The following MOV10 variants were observed in gnomAD, a reference collection of about 807,000 sequenced individuals.
MOV10 encodes Mov10 RNA helicase, also known as RNA helicase MOV-10.
A neutral mutation model predicts 108.4 loss-of-function variants in MOV10; 39 were observed. The observed-to-expected ratio is 0.36, with a 90% CI of 0.28 to 0.47. The LOEUF is 0.47. MOV10 is among the 20% of genes least tolerant of loss of function. MOV10 has a pLI of 1.00. For synonymous variants in MOV10, 490 were observed against 523.1 expected (o/e 0.94, Z 0.86); for missense variants, 952 against 1,297.6 (o/e 0.73, Z 4.09).
chr1:112,688,439 C>A, intron 2 of MOV10: 1 of 999,502 alleles, frequency 1.0e-6, no homozygotes, highest in Non-Finnish European at 1.2e-6. Flanking sequence ...AGCCACCTTG[C>A]CCACACACTT....
chr1:112,699,298 A>G (rs963087659), intron 17 of MOV10: 7 of 286,520 alleles, frequency 2.4e-5, no homozygotes, highest in Admixed American at 2.0e-4. Context: ...ACACTGCTCT[A>G]AGACTTACAG....
rs961971074 is a variant in MOV10, at chr1:112,675,335, G to A, written c.137+286G>A. Among the ~76,000 whole-genome samples the A allele has an allele frequency of 3.9e-5, 6 of 152,254 alleles. No homozygotes were observed. In the South Asian group the frequency reaches 6.2e-4, roughly 16 times the overall value. ...CGGAGGCCGGAACCCGGGGCCGGGA[G>A]CTGCGTCCCGCGTCCATGCGCCGCT... On this transcript the variant is annotated intron_variant, in intron 2 of 20. Coordinates refer to ENST00000369645, the MANE Select transcript of MOV10 (RefSeq NM_001321324.2). This position sits in a 1 kb window ranked among gnomAD's most constrained non-coding sequence, Gnocchi z 4.7.
intron 2 of MOV10, chr1:112,688,572 A>C: frequency 1.7e-6 from 2 of 1,146,918 alleles, no homozygotes; most frequent in South Asian, 2.4e-5. Context: ...GGTTGTTTGT[A>C]TTTTCTTTTC....
intron 2 of MOV10, among the ~76,000 whole-genome samples, chr1:112,685,505 A>C (rs986489161): frequency 1.3e-5 from 2 of 151,728 alleles, no homozygotes; most frequent in Non-Finnish European, 2.9e-5. Context: ...AAATAGAAAA[A>C]TTAGCTGGGT....
chr1:112,690,936 G>A (rs1673524831), intron 5 of MOV10, among the ~76,000 whole-genome samples: 1 of 152,152 alleles, frequency 6.6e-6, no homozygotes, highest in Non-Finnish European at 1.5e-5. Flanking sequence ...TAGGATATGT[G>A]TAGACATCTC....
At chr1:112,696,318 A>G (rs749080336) in intron 12 of MOV10, 67 bp downstream of exon 12, 3 of 1,427,636 alleles carry the variant, frequency 2.1e-6, no homozygotes, top group Admixed American at 3.4e-5. Context: ...GGCTGGGGAA[A>G]TGGGGAAGAA....
In MOV10 at chr1:112,694,863, C is replaced by T; in HGVS notation, c.1587C>T (p.Gly529=). Reference sequence around the variant, plus strand: ...TCATCTTTGGGCCTCCAGGCACCGGCAAGACTGTCACGTTAGTGGAGGCAA... The same window carrying T: ...TCATCTTTGGGCCTCCAGGCACCGGTAAGACTGTCACGTTAGTGGAGGCAA... The part of the protein sequence containing the change: ...PYIIFGPPGT[G]KTVTLVEAIK... The change falls in exon 10 of 21, where the codon GGC becomes GGT. Residue 529 remains glycine (G), a synonymous_variant. Coordinates refer to ENST00000369645, the MANE Select transcript of MOV10 (RefSeq NM_001321324.2). This position sits in a 1 kb window ranked among gnomAD's most constrained non-coding sequence, Gnocchi z 4.1. 6.2e-7 allele frequency: 1 copy of T among 1,614,072 alleles called. No individual in the cohort carries two copies.
At chr1:112,692,699 T>A (rs1258607407) in intron 6 of MOV10, 62 bp from the exon 7 acceptor site, 2 of 1,593,088 alleles carry the variant, frequency 1.3e-6, no homozygotes, top group East Asian at 4.5e-5. Context: ...CTCCTGGGCA[T>A]AGGGGTTGTC....
intron 5 of MOV10, 128 bp downstream of exon 5, chr1:112,690,226 C>T: frequency 8.1e-7 from 1 of 1,238,214 alleles, no homozygotes. Flanking sequence ...TTCTGGGTCT[C>T]AGAGAATTTT....
intron 2 of MOV10, among the ~76,000 whole-genome samples, chr1:112,687,929 C>G (rs1352605211): frequency 6.6e-6 from 1 of 152,114 alleles, no homozygotes; most frequent in African/African-American, 2.4e-5. Flanking sequence ...CATGTTCTTG[C>G]GTACCTCTCA....
intron 6 of MOV10, among the ~76,000 whole-genome samples, chr1:112,692,077 C>G (rs1446541317): frequency 2.0e-5 from 3 of 152,176 alleles, no homozygotes; most frequent in Non-Finnish European, 4.4e-5. Context: ...TGCCTGTAAT[C>G]TCAGCACTTT....
chr1:112,691,681 C>T lies in MOV10; in HGVS notation c.853C>T (p.Leu285=), dbSNP rs2101366590. 6.2e-7 allele frequency: 1 copy of T among 1,614,130 alleles called. No homozygotes were observed. Among genetic ancestry groups the T allele is most frequent in the Non-Finnish European group, 8.5e-7 (1 of 1,180,038 alleles). ...ERPDRAKGYD[L]ELSMALGTYY... The stretch of plus-strand genomic sequence containing the variant: ...ATTCTGCAGCGCTAAGGGCTATGAC[C>T]TGGAGTTAAGTATGGCGCTGGGGAC... The change falls in exon 6 of 21, where the codon CTG becomes TTG. Residue 285 remains leucine, a synonymous_variant. Coordinates refer to ENST00000369645, the MANE Select transcript of MOV10 (RefSeq NM_001321324.2).
intron 2 of MOV10, among the ~76,000 whole-genome samples, chr1:112,679,321 A>G (rs917272067): frequency 6.6e-6 from 1 of 152,124 alleles, no homozygotes; most frequent in Non-Finnish European, 1.5e-5. Context: ...CAAGAGGCCA[A>G]GTGTGGTTGA....
Position 112,694,116 on chromosome 1 carries a change from T to A in MOV10, c.1239T>A (p.Tyr413Ter). The A allele has an allele frequency of 6.2e-7, 1 of 1,614,012 alleles. No homozygotes were observed. The highest frequency in any genetic ancestry group is 8.5e-7 in the Non-Finnish European group (1 of 1,179,978). ...CACACCAGGAGGACCCCATCACATA[T>A]AAGGGCTTTGTGCACAAGGTGGAAT... ...SETHQEDPIT[Y>*]KGFVHKVELD... The change falls in exon 8 of 21, where the codon TAT becomes TAA. Residue 413 changes from tyrosine (Y) to a stop codon, truncating the protein, a stop_gained. Transcript: ENST00000369645. LOFTEE classifies it high-confidence loss of function. This position sits in a 1 kb window ranked among gnomAD's most constrained non-coding sequence, Gnocchi z 4.1.
At position 112,675,074 on chromosome 1, in the gene MOV10, C is replaced by T. The variant is rs200293745; in HGVS notation, c.137+25C>T. 6.7e-4 allele frequency: 1,054 copies of T among 1,574,720 alleles called. 1 individual carries two copies. The highest frequency in any genetic ancestry group is 7.9e-4 in the Non-Finnish European group (920 of 1,164,048). ...GGTACGGGCCGGCCCACTCCCGGCC[C>T]CGAATCGCGGGCCCAGCTTGCTGCC... On this transcript the variant is annotated intron_variant, in intron 2 of 20. Transcript: ENST00000369645. The surrounding 1 kb of genome is among the most constrained non-coding windows in gnomAD (Gnocchi z 4.7).
At position 112,697,793 on chromosome 1, in the gene MOV10, T is replaced by A. The variant is rs571098153; in HGVS notation, c.2199-201T>A. On this transcript the variant is annotated intron_variant, in intron 14 of 20. Transcript: ENST00000369645. ...GGGTCTGTGGAGTCCCTGGACTAGA[T>A]GCTCTCTGGAACTATATTTGGTTCT... is the stretch of plus-strand genomic sequence containing the variant. 1.1e-4 allele frequency: 65 copies of A among 618,904 alleles called. 1 individual carries two copies. In the South Asian group the frequency reaches 1.2e-3, roughly 11 times the overall value. The allele number at this position is 618,904 out of a possible 1,614,324, so 38.3% of individuals were successfully genotyped here. A position where few individuals can be genotyped will look rare whatever the true frequency, so the allele number is the denominator to read the frequency against.
In MOV10 at chr1:112,692,945, G is replaced by A; in HGVS notation, c.1140+16G>A. 1 of 1,596,944 alleles carries A rather than the reference G, an allele frequency of 6.3e-7. No homozygotes were observed. The highest frequency in any genetic ancestry group is 8.5e-7 in the Non-Finnish European group (1 of 1,172,026). Reference sequence around the variant, plus strand: ...CACGCTGGAGGTCAGGGCTCAGATTGAGTGTGAGGAGGGTGGGCTCAAGCC... The same window carrying A: ...CACGCTGGAGGTCAGGGCTCAGATTAAGTGTGAGGAGGGTGGGCTCAAGCC... On this transcript the variant is annotated intron_variant, in intron 7 of 20. Transcript: ENST00000369645.
intron 2 of MOV10, among the ~76,000 whole-genome samples, chr1:112,679,980 T>G (rs1033916550): frequency 1.3e-5 from 2 of 152,116 alleles, no homozygotes; most frequent in Non-Finnish European, 2.9e-5. Flanking sequence ...TAGACTTGCC[T>G]ACAAGTACAA....
intron 12 of MOV10, 24 bp downstream of exon 12, chr1:112,696,275 C>A: frequency 6.5e-7 from 1 of 1,539,078 alleles, no homozygotes; most frequent in Non-Finnish European, 9.0e-7. Context: ...GTGGGTGTGT[C>A]TCTGAATCGT....
Sources: allele counts gnomAD v4.1 joint callset (sites outside exome capture counted in the v4.1 genomes callset), GRCh38; gene constraint gnomAD v4.1.1; non-coding constraint Gnocchi (gnomAD v3.1); transcripts MANE v1.5; gene names NCBI Gene and HGNC (gene_info 2026-07-23, HGNC 2026-07-21).